The following FRMPD4 variants were observed in gnomAD, a reference collection of about 807,000 sequenced individuals.
FRMPD4 encodes FERM and PDZ domain-containing protein 4.
A neutral mutation model predicts 94.1 loss-of-function variants in FRMPD4; 22 were observed. The observed-to-expected ratio is 0.23, with a 90% confidence interval of 0.17 to 0.33. The LOEUF (loss-of-function observed/expected upper bound fraction) is 0.33, where lower values mean the gene tolerates loss of function less well. Among genes scored for constraint, FRMPD4 ranks in the 10% least tolerant of loss-of-function variants. The pLI is 1.00. For synonymous variants in FRMPD4, 631 were observed against 548.6 expected (o/e 1.15, Z -2.10); for missense variants, 1,111 against 1,339.9 (o/e 0.83, Z 2.67).
intron 1 of FRMPD4, among the ~76,000 whole-genome samples, chrX:12,190,594 T>A (rs777363567): frequency 2.7e-5 from 3 of 109,765 alleles, no homozygotes; most frequent in Non-Finnish European, 5.7e-5. Flanking sequence ...ATTAATATTA[T>A]TAGTCACCTG....
intron 3 of FRMPD4, among the ~76,000 whole-genome samples, chrX:11,927,143 T>C (rs2054093801): frequency 1.8e-5 from 2 of 108,151 alleles, no homozygotes; most frequent in African/African-American, 6.8e-5. Context: ...CCATTCACAA[T>C]TGCCACAAAA....
chrX:12,517,460 G>A (rs147954350), intron 2 of FRMPD4, among the ~76,000 whole-genome samples: 3,434 of 105,962 alleles, frequency 0.032, 114 homozygotes, highest in African/African-American at 0.11. Context: ...CCCCTCTTCC[G>A]TAGGGTTGCC....
In FRMPD4 at chrX:12,709,813, A is replaced by G. The variant is rs144640256; in HGVS notation, c.1471-586A>G. ...ATGTTAATTATTTGGGAAGAAGACA[A>G]TCTCATTTTTTTTCATTTCAATATG... On this transcript the variant is annotated intron_variant, in intron 13 of 16. Transcript: ENST00000675598. Among the ~76,000 whole-genome samples, 761 of 111,709 alleles carry G rather than the reference A, an allele frequency of 6.8e-3. 7 individuals are homozygous for G. Among genetic ancestry groups the G allele is most frequent in the African/African-American group, 0.023 (707 of 30,692 alleles).
intron 3 of FRMPD4, among the ~76,000 whole-genome samples, chrX:12,077,762 TTCTCTCTC>T (rs745971579): frequency 6.5e-5 from 7 of 108,058 alleles, no homozygotes; most frequent in African/African-American, 1.7e-4. Flanking sequence ...ACCTGCAGAC[TTCTCTCTC>T]TCTCTCTCTC....
chrX:12,509,986 G>A (rs2058026676), intron 2 of FRMPD4, among the ~76,000 whole-genome samples: 1 of 111,908 alleles, frequency 8.9e-6, no homozygotes, highest in African/African-American at 3.3e-5. Context: ...AGCTCTTTCA[G>A]TGTTAGCTCT....
In FRMPD4 at chrX:11,893,519, T is replaced by A. The variant is rs752295104; in HGVS notation, c.95+15501T>A. 6.0e-4 allele frequency among the ~76,000 whole-genome samples: 67 copies of A among 112,376 alleles called. No individual in the cohort carries two copies. In the South Asian group the frequency reaches 0.023, roughly 39 times the overall value. ...TTTTTTAGTTAGGAATGAAAATGTA[T>A]CTTGGCTATAATATAAGCCAATATA... On this transcript the variant is annotated intron_variant, in intron 3 of 18. Coordinates refer to the FRMPD4 transcript ENST00000640291.
In FRMPD4 at chrX:12,106,937, G is replaced by C. The variant is rs185077724; in HGVS notation, c.95+228919G>C. Among the ~76,000 whole-genome samples, 387 of 112,148 alleles carry C rather than the reference G, an allele frequency of 3.5e-3. 5 individuals carry two copies. Among genetic ancestry groups the C allele is most frequent in the Admixed American group, 0.029 (305 of 10,631 alleles). On this transcript the variant is annotated intron_variant, in intron 3 of 18. Coordinates refer to the FRMPD4 transcript ENST00000640291. ...TGGGTGGACCCCACCGCAGCTCAAGGAGGTCTGCCTGCCTCTGTAGACTCC... is the reference window on the plus strand; with the variant it reads ...TGGGTGGACCCCACCGCAGCTCAAGCAGGTCTGCCTGCCTCTGTAGACTCC...
intron 3 of FRMPD4, among the ~76,000 whole-genome samples, chrX:12,098,235 AGGAT>A (rs754719898): frequency 1.5e-4 from 15 of 103,176 alleles, no homozygotes; most frequent in Non-Finnish European, 2.4e-4. Context: ...TGCAAATTCT[AGGAT>A]CATTTAAAAT....
At position 12,629,578 on chromosome X, in the gene FRMPD4, GC is replaced by G. The variant is rs767705590; in HGVS notation, c.422+14698del. ...AATTAAATAAAACAGAGTAAGTAAAGCTCTTAGCGGAGTAAGAGCACATAGT... is the reference window on the plus strand; with the variant it reads ...AATTAAATAAAACAGAGTAAGTAAAGTCTTAGCGGAGTAAGAGCACATAGT... On this transcript the variant is annotated intron_variant, in intron 4 of 16. Transcript: ENST00000675598. Among the ~76,000 whole-genome samples the G allele has an allele frequency of 8.9e-5, 10 of 112,328 alleles. No homozygotes were observed. The East Asian group carries it at 2.5e-3, about 28-fold the overall frequency.
chrX:12,017,031 C>T (rs1283202526), intron 3 of FRMPD4, among the ~76,000 whole-genome samples: 1 of 112,137 alleles, frequency 8.9e-6, no homozygotes, highest in Non-Finnish European at 1.9e-5. Context: ...TTTATATCCT[C>T]CTGCTTCATG....
At chrX:12,503,553 T>A (rs187933442) in intron 2 of FRMPD4, among the ~76,000 whole-genome samples, 6 of 112,365 alleles carry the variant, frequency 5.3e-5, no homozygotes, top group Non-Finnish European at 1.1e-4. Flanking sequence ...GTCATTCCCA[T>A]CTGCCAATCT....
intron 1 of FRMPD4, among the ~76,000 whole-genome samples, chrX:12,243,657 T>C (rs1351934460): frequency 9.1e-6 from 1 of 110,234 alleles, no homozygotes; most frequent in African/African-American, 3.3e-5. Context: ...ACCTAGTTTT[T>C]TTTTTTCCAT....
At chrX:12,445,480 T>C (rs2057184251) in intron 1 of FRMPD4, among the ~76,000 whole-genome samples, 2 of 112,657 alleles carry the variant, frequency 1.8e-5, no homozygotes, top group South Asian at 3.7e-4. Context: ...TTGGGAATAA[T>C]AATCAGATCA....
At chrX:12,024,644 G>T (rs765388544) in intron 3 of FRMPD4, among the ~76,000 whole-genome samples, 1 of 111,806 alleles carries the variant, frequency 8.9e-6, no homozygotes, top group Non-Finnish European at 1.9e-5. Context: ...CTTCCTGATC[G>T]CATTTTCCCT....
intron 1 of FRMPD4, among the ~76,000 whole-genome samples, chrX:12,379,829 T>A (rs1381815970): frequency 1.8e-5 from 2 of 111,383 alleles, no homozygotes; most frequent in African/African-American, 6.5e-5. Flanking sequence ...TATGCATCAT[T>A]CAATGGTATT....
chrX:12,524,748 T>A (rs1229576470), intron 2 of FRMPD4, among the ~76,000 whole-genome samples: 2 of 111,373 alleles, frequency 1.8e-5, no homozygotes, highest in African/African-American at 6.5e-5. Flanking sequence ...TTTTAGCCCC[T>A]GTTTCCTACA....
At chrX:12,653,850 C>A (rs1455120411) in intron 4 of FRMPD4, among the ~76,000 whole-genome samples, 1 of 112,212 alleles carries the variant, frequency 8.9e-6, no homozygotes, top group Non-Finnish European at 1.9e-5. Flanking sequence ...TCACAGCAAC[C>A]CCCACCTCCC....
At chrX:12,324,101 A>G (rs905229087) in intron 1 of FRMPD4, among the ~76,000 whole-genome samples, 1 of 111,925 alleles carries the variant, frequency 8.9e-6, no homozygotes, top group African/African-American at 3.2e-5. Context: ...ATGAAACCCT[A>G]TCTTCTTTAC....
intron 2 of FRMPD4, among the ~76,000 whole-genome samples, chrX:12,534,724 T>G (rs1419683630): frequency 8.9e-6 from 1 of 112,772 alleles, no homozygotes; most frequent in Non-Finnish European, 1.9e-5. Flanking sequence ...TTCTCCCATT[T>G]GGGATGGCTA....
Sources: gnomAD v4.1 joint callset for allele counts (sites outside exome capture counted in the v4.1 genomes callset) on GRCh38, gnomAD v4.1.1 for gene constraint, MANE v1.5 for transcripts, NCBI Gene and HGNC (gene_info 2026-07-23, HGNC 2026-07-21) for gene names.